Variants in ING3 observed in about 807,000 individuals in gnomAD.
The protein encoded by ING3 is inhibitor of growth protein 3.
Under a neutral mutation model 64.8 loss-of-function variants are expected in ING3, and 6 were observed. That is an observed-to-expected ratio of 0.09 (90% CI 0.05 to 0.18). The LOEUF is 0.18. Ranked by LOEUF, ING3 falls within the 10% of genes least tolerant of loss-of-function variation. The pLI is 1.00. For missense variants in ING3, 310 were observed against 489.7 expected, an observed-to-expected ratio of 0.63 and a Z score of 3.46; for synonymous variants, 170 against 173.7, an observed-to-expected ratio of 0.98 and a Z score of 0.17.
rs1796019325 is a variant in ING3, at chr7:120,968,056, A to G, written c.679A>G (p.Met227Val). The change falls in exon 8 of 12, where the codon ATG (methionine) becomes GTG (valine). Residue 227 changes from methionine (M) to valine (V), a missense_variant. Transcript: ENST00000315870. ...AGGAACTGGTGCAGGGGCAATTACC[A>G]TGGCAGCTGCTCAAGCAGTTCAGGC... The part of the protein sequence containing the change: ...SSGTGAGAIT[M>V]AAAQAVQATA... 1 of 1,614,124 alleles carries G rather than the reference A, an allele frequency of 6.2e-7. No homozygotes were observed. Among genetic ancestry groups the G allele is most frequent in the Non-Finnish European group, 8.5e-7 (1 of 1,180,022 alleles).
In ING3 at chr7:120,969,052, T is replaced by C. The variant is rs148770498; in HGVS notation, c.756T>C (p.Tyr252=). ...GRRTSSLKAS[Y]EAFKNNDFQL... is the part of the protein sequence containing the mutation. ...GAACATCAAGTTTAAAAGCCAGTTA[T>C]GAAGCATTTAAGAATAATGACTTTC... Residue 252 remains tyrosine, a synonymous_variant, in exon 9 of 12, where the codon TAT becomes TAC. Coordinates refer to ENST00000315870, the MANE Select transcript of ING3 (RefSeq NM_019071.3). 45 of 1,613,744 alleles carry C rather than the reference T, an allele frequency of 2.8e-5. No individual in the cohort carries two copies. The highest frequency in any genetic ancestry group is 4.0e-5 in the African/African-American group (3 of 74,924).
intron 3 of ING3, among the ~76,000 whole-genome samples, chr7:120,953,999 T>C (rs1333929994): frequency 6.6e-6 from 1 of 152,228 alleles, no homozygotes; most frequent in Non-Finnish European, 1.5e-5. Flanking sequence ...CATTTAGGGA[T>C]GGATACATTG....
intron 4 of ING3, among the ~76,000 whole-genome samples, chr7:120,960,463 ATTACTT>A (rs1178794619): frequency 6.6e-6 from 1 of 152,200 alleles, no homozygotes; most frequent in African/African-American, 2.4e-5. Context: ...ATAAGCATGT[ATTACTT>A]TTACAGAATT....
rs545289861 is a variant in ING3, at chr7:120,974,704, G to GT, written c.1141-18dup. ...TTGTCTTCAGAAGTACTGAAAACTT[G>GT]TTTTTTGCAATTTTGCTTTCTAGTG... On this transcript the variant is annotated intron_variant, in intron 11 of 11. Coordinates refer to ENST00000315870, the MANE Select transcript of ING3 (RefSeq NM_019071.3). The GT allele has an allele frequency of 4.3e-4, 644 of 1,506,062 alleles. 1 individual carries two copies. The highest frequency in any genetic ancestry group is 5.6e-4 in the Non-Finnish European group (611 of 1,083,712). 93.3% of individuals were successfully genotyped at this position (1,506,062 alleles called of 1,614,324 possible). A position where few individuals can be genotyped will look rare whatever the true frequency, so the allele number is the denominator to read the frequency against.
intron 4 of ING3, chr7:120,956,654 A>G (rs140817084): frequency 1.0e-6 from 1 of 987,198 alleles, no homozygotes; most frequent in Non-Finnish European, 1.2e-6. Flanking sequence ...GATAGGTAGA[A>G]TAGGCTGTAG....
chr7:120,970,241 A>G (rs545953241), intron 9 of ING3, among the ~76,000 whole-genome samples: 26 of 152,204 alleles, frequency 1.7e-4, no homozygotes, highest in African/African-American at 6.3e-4. Context: ...CGAGGTGGGC[A>G]GATCACGAGG....
intron 3 of ING3, among the ~76,000 whole-genome samples, chr7:120,953,995 G>A (rs1444962098): frequency 3.3e-5 from 5 of 152,148 alleles, no homozygotes; most frequent in Admixed American, 3.3e-4. Flanking sequence ...AGTTCATTTA[G>A]GGATGGATAC....
At position 120,966,608 on chromosome 7, in the gene ING3, G is replaced by A. The variant is rs1458479394; in HGVS notation, c.365-18G>A. On this transcript the variant is annotated intron_variant, in intron 5 of 11. Coordinates refer to ENST00000315870, the MANE Select transcript of ING3 (RefSeq NM_019071.3). ...TGACATTTAATGGTGGTGTATCTCT[G>A]TGCCTCTCTTCTTTTAGGATCTTTG... 1 of 1,593,934 alleles carries A rather than the reference G, an allele frequency of 6.3e-7. No individual in the cohort carries two copies. Among genetic ancestry groups the A allele is most frequent in the Non-Finnish European group, 8.6e-7 (1 of 1,161,642 alleles).
intron 4 of ING3, among the ~76,000 whole-genome samples, chr7:120,963,059 C>T (rs1264068674): frequency 6.6e-6 from 1 of 151,982 alleles, no homozygotes; most frequent in African/African-American, 2.4e-5. Flanking sequence ...GTTTTCGTTG[C>T]ATTAGTGGTC....
intron 8 of ING3, among the ~76,000 whole-genome samples, chr7:120,968,525 G>C (rs1796026452): frequency 6.6e-6 from 1 of 152,068 alleles, no homozygotes; most frequent in Non-Finnish European, 1.5e-5. Context: ...TTCTAACTGT[G>C]TAAAATCTTA....
intron 7 of ING3, 71 bp downstream of exon 7, chr7:120,967,719 G>A (rs1796014475): frequency 6.9e-7 from 1 of 1,452,656 alleles, no homozygotes; most frequent in Non-Finnish European, 9.3e-7. Context: ...AAGTGTTTCA[G>A]GATTAATGAA....
intron 4 of ING3, among the ~76,000 whole-genome samples, chr7:120,959,613 C>T (rs1374993363): frequency 1.4e-5 from 2 of 147,720 alleles, no homozygotes; most frequent in Non-Finnish European, 1.5e-5. Flanking sequence ...ACCCTATACT[C>T]CTTGTCACTT....
chr7:120,954,287 G>A (rs1270495003), intron 3 of ING3, among the ~76,000 whole-genome samples: 8 of 151,992 alleles, frequency 5.3e-5, no homozygotes, highest in African/African-American at 1.9e-4. Context: ...TTAGCTGGGC[G>A]TGGTGGTGGG....
intron 3 of ING3, 93 bp from the exon 4 acceptor site, chr7:120,955,466 C>G: frequency 1.2e-6 from 1 of 840,952 alleles, no homozygotes; most frequent in Non-Finnish European, 1.9e-6. Context: ...ACTGTGATAA[C>G]AAGATATGAT....
intron 4 of ING3, among the ~76,000 whole-genome samples, chr7:120,959,731 C>T (rs1430372696): frequency 1.4e-5 from 2 of 146,076 alleles, no homozygotes; most frequent in Non-Finnish European, 3.0e-5. Flanking sequence ...CTGCAAGCTC[C>T]GCCTCTTGGG....
Position 120,967,577 on chromosome 7 carries a change from C to G in ING3, c.485C>G (p.Pro162Arg). ...TSHHTTTDHI[P>R]EKKFKSEALL... ...CACCATACGACAACAGATCATATTC[C>G]TGAAAAGAAATTTAAATCTGAAGCT... Residue 162 changes from proline (P) to arginine (R), a missense_variant, in exon 7 of 12, where the codon CCT becomes CGT. Transcript: ENST00000315870. The G allele has an allele frequency of 5.0e-6, 8 of 1,598,028 alleles. No homozygotes were observed. The South Asian group carries it at 6.7e-5, about 13-fold the overall frequency.
chr7:120,962,658 C>T (rs118015024), intron 4 of ING3, among the ~76,000 whole-genome samples: 132 of 152,118 alleles, frequency 8.7e-4, no homozygotes, highest in East Asian at 5.6e-3. Context: ...ACATATTACA[C>T]GCTACATCAT....
At chr7:120,954,160 T>A (rs933043065) in intron 3 of ING3, among the ~76,000 whole-genome samples, 1 of 152,156 alleles carries the variant, frequency 6.6e-6, no homozygotes, top group African/African-American at 2.4e-5. Flanking sequence ...GCGTGGTGGC[T>A]CACACCCATA....
At chr7:120,967,248 T>A (rs568007994) in intron 6 of ING3, among the ~76,000 whole-genome samples, 1 of 152,294 alleles carries the variant, frequency 6.6e-6, no homozygotes, top group African/African-American at 2.4e-5. Context: ...GTAGATTGTG[T>A]TTTGAAAACA....
Sources: gnomAD v4.1 joint callset for allele counts (sites outside exome capture counted in the v4.1 genomes callset) on GRCh38, gnomAD v4.1.1 for gene constraint, MANE v1.5 for transcripts, NCBI Gene and HGNC (gene_info 2026-07-23, HGNC 2026-07-21) for gene names.